PLEKHB2: variants seen among roughly 807,000 people sequenced by gnomAD.
The protein encoded by PLEKHB2 is pleckstrin homology domain-containing family B member 2.
A neutral mutation model predicts 36.5 loss-of-function variants in PLEKHB2; 31 were observed. The ratio of observed to expected loss-of-function variants is 0.85; its 90% CI spans 0.64 to 1.15. PLEKHB2 has a LOEUF of 1.15. Ranked by LOEUF, PLEKHB2 falls within the 50% of genes most tolerant of loss-of-function variation. PLEKHB2 has a pLI of 0.00. For missense variants in PLEKHB2, 262 were observed against 295.3 expected, an observed-to-expected ratio of 0.89 and a Z score of 0.83; for synonymous variants, 119 against 112.0, an observed-to-expected ratio of 1.06 and a Z score of -0.39.
In PLEKHB2 at chr2:131,148,914, T is replaced by C. The variant is rs1239976090; in HGVS notation, c.*2141T>C. The stretch of plus-strand genomic sequence containing the variant: ...ACAGTTTTTCATGTTGCACTGGTGG[T>C]AATTTTGAACTTGGAATTACTGGGT... On this transcript the variant is annotated 3_prime_UTR_variant, in exon 8 of 8. Coordinates refer to ENST00000693505, the MANE Select transcript of PLEKHB2 (RefSeq NM_001100623.2). 1.3e-5 allele frequency: 2 copies of C among 152,244 alleles called. No individual in the cohort carries two copies. Among genetic ancestry groups the C allele is most frequent in the Non-Finnish European group, 2.9e-5 (2 of 68,038 alleles). The allele number at this position is 152,244 out of a possible 1,614,324, so 9.4% of individuals were successfully genotyped here. A position where few individuals can be genotyped will look rare whatever the true frequency, so the allele number is the denominator to read the frequency against.
chr2:131,134,310 C>T (rs1204653849), intron 6 of PLEKHB2, among the ~76,000 whole-genome samples: 3 of 152,144 alleles, frequency 2.0e-5, no homozygotes, highest in African/African-American at 7.2e-5. Context: ...CCTCAGCTTC[C>T]CAAAGAGCTA....
At chr2:131,145,853 ATATT>A (rs1196278387) in intron 7 of PLEKHB2, among the ~76,000 whole-genome samples, 2 of 152,072 alleles carry the variant, frequency 1.3e-5, no homozygotes, top group African/African-American at 2.4e-5. Flanking sequence ...TCTAACATAA[ATATT>A]TATTTTTTCT....
intron 1 of PLEKHB2, among the ~76,000 whole-genome samples, chr2:131,117,539 T>C (rs1297107638): frequency 6.6e-6 from 1 of 152,232 alleles, no homozygotes; most frequent in Non-Finnish European, 1.5e-5. Flanking sequence ...TGGCTGTGTT[T>C]CAGTCAGGTT....
intron 1 of PLEKHB2, among the ~76,000 whole-genome samples, chr2:131,106,979 A>C (rs1377712022): frequency 6.6e-6 from 1 of 152,222 alleles, no homozygotes; most frequent in Non-Finnish European, 1.5e-5. Flanking sequence ...TGAGTTGATT[A>C]AATGTGTACA....
At chr2:131,123,505 T>C (rs1281466783) in intron 2 of PLEKHB2, among the ~76,000 whole-genome samples, 1 of 152,170 alleles carries the variant, frequency 6.6e-6, no homozygotes, top group Non-Finnish European at 1.5e-5. Context: ...TGTCTCTGTG[T>C]TTCTGTGGCT....
At chr2:131,138,998 T>C (rs1698529449) in intron 6 of PLEKHB2, among the ~76,000 whole-genome samples, 1 of 152,194 alleles carries the variant, frequency 6.6e-6, no homozygotes, top group Admixed American at 6.5e-5. Context: ...GCATGGAAAT[T>C]CAGGCTCTTC....
chr2:131,121,427 T>G (rs184579437), intron 2 of PLEKHB2, among the ~76,000 whole-genome samples: 21 of 152,184 alleles, frequency 1.4e-4, no homozygotes, highest in Middle Eastern at 3.4e-3. Flanking sequence ...TTTGTATTTT[T>G]AGTAGAGAAG....
intron 1 of PLEKHB2, among the ~76,000 whole-genome samples, chr2:131,117,152 A>G (rs1695964900): frequency 6.6e-6 from 1 of 151,632 alleles, no homozygotes; most frequent in African/African-American, 2.4e-5. Flanking sequence ...CCAAATTAAT[A>G]TCAAGAACCA....
At chr2:131,141,436 G>A (rs367597346) in intron 7 of PLEKHB2, among the ~76,000 whole-genome samples, 1 of 151,832 alleles carries the variant, frequency 6.6e-6, no homozygotes, top group African/African-American at 2.4e-5. Context: ...TCAGGAGATC[G>A]AGACCATCCT....
intron 1 of PLEKHB2, among the ~76,000 whole-genome samples, chr2:131,106,962 C>G (rs777265343): frequency 1.3e-5 from 2 of 152,158 alleles, no homozygotes. Flanking sequence ...CTGCTATTCT[C>G]AAGGACTGAG....
At chr2:131,145,524 A>C (rs1039929603) in intron 7 of PLEKHB2, among the ~76,000 whole-genome samples, 1 of 152,034 alleles carries the variant, frequency 6.6e-6, no homozygotes, top group African/African-American at 2.4e-5. Context: ...TTTAAGAGAC[A>C]GGGTTTCACT....
chr2:131,117,190 C>G (rs982442342), intron 1 of PLEKHB2, among the ~76,000 whole-genome samples: 1 of 152,146 alleles, frequency 6.6e-6, no homozygotes, highest in African/African-American at 2.4e-5. Context: ...GTGGCTCACA[C>G]CTGTAATCCC....
chr2:131,132,686 C>T (rs185139421), intron 5 of PLEKHB2, among the ~76,000 whole-genome samples: 1 of 152,248 alleles, frequency 6.6e-6, no homozygotes, highest in African/African-American at 2.4e-5. Context: ...CTGTTAGGGG[C>T]CGAGTGAGGA....
chr2:131,106,415 A>G (rs534714181), intron 1 of PLEKHB2, among the ~76,000 whole-genome samples: 2 of 152,244 alleles, frequency 1.3e-5, no homozygotes, highest in East Asian at 3.9e-4. Flanking sequence ...ACTTGTCCGA[A>G]GTCACATGAG....
intron 1 of PLEKHB2, among the ~76,000 whole-genome samples, chr2:131,106,896 G>T (rs1258580727): frequency 6.6e-6 from 1 of 152,112 alleles, no homozygotes; most frequent in Non-Finnish European, 1.5e-5. Flanking sequence ...ACCTGACAGC[G>T]GTTCTTTGCT....
intron 1 of PLEKHB2, chr2:131,107,312 T>A (rs1694840776): frequency 6.6e-6 from 1 of 152,260 alleles, no homozygotes; most frequent in Non-Finnish European, 1.5e-5. Flanking sequence ...TCCTTGCCTC[T>A]TTGCTTTCTT....
At chr2:131,114,174 G>A (rs1396104309) in intron 1 of PLEKHB2, among the ~76,000 whole-genome samples, 2 of 152,286 alleles carry the variant, frequency 1.3e-5, no homozygotes, top group African/African-American at 2.4e-5. Flanking sequence ...GGCCCAGGCT[G>A]GAGTGCAGTG....
At chr2:131,140,938 G>C (rs1428044037) in intron 7 of PLEKHB2, among the ~76,000 whole-genome samples, 1 of 152,238 alleles carries the variant, frequency 6.6e-6, no homozygotes, top group Non-Finnish European at 1.5e-5. Context: ...CATAGTGCAG[G>C]ATGCACAGGT....
In PLEKHB2 at chr2:131,146,963, C is replaced by G. The variant is rs368765638; in HGVS notation, c.*190C>G. On this transcript the variant is annotated 3_prime_UTR_variant, in exon 8 of 8. Transcript: ENST00000693505. Reference sequence around the variant, plus strand: ...AGGGTTTGAACTGTGCTATTTTGTTCAAATGTTGACTCTCCGGGGGCACTG... The same window carrying G: ...AGGGTTTGAACTGTGCTATTTTGTTGAAATGTTGACTCTCCGGGGGCACTG... 5.2e-4 allele frequency: 235 copies of G among 455,684 alleles called. 5 individuals carry two copies. The South Asian group carries it at 0.011, about 21-fold the overall frequency. 28.2% of individuals were successfully genotyped at this position (455,684 alleles called of 1,614,324 possible).
Sources: gnomAD v4.1 joint callset for allele counts (sites outside exome capture counted in the v4.1 genomes callset) on GRCh38, gnomAD v4.1.1 for gene constraint, MANE v1.5 for transcripts, NCBI Gene and HGNC (gene_info 2026-07-23, HGNC 2026-07-21) for gene names.